Variants in THSD7B observed in about 807,000 individuals in gnomAD.
The protein encoded by THSD7B is thrombospondin type 1 domain containing 7B.
A neutral mutation model predicts 213.6 loss-of-function variants in THSD7B; 138 were observed. The ratio of observed to expected loss-of-function variants is 0.65; its 90% CI spans 0.56 to 0.74. THSD7B has a LOEUF of 0.74. THSD7B is among the 30% of genes least tolerant of loss of function. THSD7B has a pLI of 0.00. For synonymous variants in THSD7B, 742 were observed against 687.0 expected, an observed-to-expected ratio of 1.08 and a Z score of -1.25; for missense variants, 1,931 against 1,991.5, an observed-to-expected ratio of 0.97 and a Z score of 0.58.
intron 12 of THSD7B, among the ~76,000 whole-genome samples, chr2:137,316,993 A>G (rs775454388): frequency 6.6e-6 from 1 of 152,210 alleles, no homozygotes; most frequent in Non-Finnish European, 1.5e-5. Flanking sequence ...AAGTAAAACC[A>G]TAGGGGAAAA....
At position 137,656,951 on chromosome 2, in the gene THSD7B, G is replaced by C. The variant is rs776896571; in HGVS notation, c.4261G>C (p.Glu1421Gln). The stretch of plus-strand genomic sequence containing the variant: ...AGACAGCTGCCCCCAACAGGTTCTA[G>C]AAACACGCCCTTGTACAGGTACCAA... ...NQDSCPQQVL[E>Q]TRPCTGGKCY... is the part of the protein sequence containing the mutation. The change falls in exon 23 of 28, where the codon GAA becomes CAA. Residue 1421 changes from glutamate to glutamine, a missense_variant. By Grantham distance (29) the Glu-to-Gln change is conservative (BLOSUM62 2). Coordinates refer to ENST00000409968, the MANE Select transcript of THSD7B (RefSeq NM_001316349.2). 3.0e-5 allele frequency: 49 copies of C among 1,613,992 alleles called. No homozygotes were observed. Among genetic ancestry groups the C allele is most frequent in the Non-Finnish European group, 4.2e-5 (49 of 1,179,866 alleles).
intron 17 of THSD7B, among the ~76,000 whole-genome samples, chr2:137,574,172 G>A (rs979615848): frequency 3.2e-4 from 49 of 152,106 alleles, no homozygotes; most frequent in African/African-American, 7.7e-4. Context: ...AAACATTGCC[G>A]TCTTAAGGTA....
chr2:137,154,554 A>G (rs1679877249), intron 5 of THSD7B, among the ~76,000 whole-genome samples: 1 of 152,110 alleles, frequency 6.6e-6, no homozygotes, highest in African/African-American at 2.4e-5. Context: ...CTTTTTGAGG[A>G]GTTTAAATGA....
intron 4 of THSD7B, among the ~76,000 whole-genome samples, chr2:137,113,515 C>T (rs1688389950): frequency 6.6e-6 from 1 of 152,104 alleles, no homozygotes; most frequent in South Asian, 2.1e-4. Context: ...TGGCTCACCG[C>T]ACCCTCCGCC....
intron 12 of THSD7B, among the ~76,000 whole-genome samples, chr2:137,374,934 C>G (rs1240931425): frequency 6.6e-6 from 1 of 152,180 alleles, no homozygotes; most frequent in African/African-American, 2.4e-5. Context: ...TCTGACCAGC[C>G]ATGTTGCCTC....
intron 2 of THSD7B, among the ~76,000 whole-genome samples, chr2:136,967,687 A>T (rs1165204402): frequency 1.3e-5 from 2 of 152,230 alleles, no homozygotes; most frequent in African/African-American, 4.8e-5. Flanking sequence ...GTTTAGAAAT[A>T]CAATATTGCC....
intron 3 of THSD7B, among the ~76,000 whole-genome samples, chr2:137,078,736 G>A (rs1221613784): frequency 1.3e-5 from 2 of 151,812 alleles, no homozygotes; most frequent in Non-Finnish European, 2.9e-5. Context: ...ATGTGTTTAG[G>A]ACTATTAATT....
At chr2:137,255,032 A>C (rs1032049901) in intron 10 of THSD7B, among the ~76,000 whole-genome samples, 2 of 152,142 alleles carry the variant, frequency 1.3e-5, no homozygotes, top group African/African-American at 4.8e-5. Context: ...TAAACATGCA[A>C]TGTAACATTG....
chr2:137,111,833 G>C (rs187401081), intron 4 of THSD7B, among the ~76,000 whole-genome samples: 11 of 152,266 alleles, frequency 7.2e-5, no homozygotes, highest in African/African-American at 2.4e-4. Context: ...TCTACTTGAG[G>C]CATTTCCATA....
intron 2 of THSD7B, among the ~76,000 whole-genome samples, chr2:137,023,892 T>A (rs547154141): frequency 7.9e-5 from 12 of 151,858 alleles, no homozygotes; most frequent in Non-Finnish European, 1.5e-4. Context: ...ATTCGACAAA[T>A]GAACAAGACA....
intron 7 of THSD7B, among the ~76,000 whole-genome samples, chr2:137,182,124 C>A (rs16838331): frequency 0.18 from 27,014 of 151,974 alleles, 3,151 homozygotes; most frequent in South Asian, 0.41. Context: ...GGCGTCCCAG[C>A]AGGTATGAGA....
At chr2:137,007,624 C>T (rs1686142670) in intron 2 of THSD7B, among the ~76,000 whole-genome samples, 1 of 152,084 alleles carries the variant, frequency 6.6e-6, no homozygotes, top group Non-Finnish European at 1.5e-5. Context: ...TATACTTGGA[C>T]CATTGACTGT....
intron 3 of THSD7B, among the ~76,000 whole-genome samples, chr2:137,085,786 T>A (rs910371224): frequency 6.6e-6 from 1 of 152,038 alleles, no homozygotes; most frequent in Non-Finnish European, 1.5e-5. Context: ...GCATTGGGAT[T>A]GAGGAAAAAA....
intron 14 of THSD7B, among the ~76,000 whole-genome samples, chr2:137,443,577 C>A (rs1687464429): frequency 6.6e-6 from 1 of 151,986 alleles, no homozygotes; most frequent in Admixed American, 6.6e-5. Context: ...TCTTGTCAAT[C>A]CTTTACTAAA....
intron 4 of THSD7B, among the ~76,000 whole-genome samples, chr2:137,101,144 T>C (rs1454027037): frequency 1.3e-5 from 2 of 152,092 alleles, no homozygotes; most frequent in Non-Finnish European, 2.9e-5. Flanking sequence ...CTGAGGTGAT[T>C]CTCCCACCTC....
At chr2:137,110,635 T>G (rs948201272) in intron 4 of THSD7B, among the ~76,000 whole-genome samples, 1 of 152,218 alleles carries the variant, frequency 6.6e-6, no homozygotes, top group Non-Finnish European at 1.5e-5. Context: ...TTTTGGGGCC[T>G]TGAAAAGACA....
chr2:137,509,983 T>TC (rs1679926227), intron 15 of THSD7B, among the ~76,000 whole-genome samples: 1 of 152,184 alleles, frequency 6.6e-6, no homozygotes, highest in South Asian at 2.1e-4. Context: ...AACATTTTTT[T>TC]CTCCCTTTAT....
intron 2 of THSD7B, among the ~76,000 whole-genome samples, chr2:137,051,489 A>C (rs1687070841): frequency 6.6e-6 from 1 of 152,224 alleles, no homozygotes. Flanking sequence ...AAGTCACTAC[A>C]TTAACCTATT....
chr2:137,488,524 A>G (rs767836026), intron 15 of THSD7B, among the ~76,000 whole-genome samples: 1 of 152,208 alleles, frequency 6.6e-6, no homozygotes, highest in Non-Finnish European at 1.5e-5. Context: ...AATACAAAAT[A>G]TAGAATTATC....
Sources: gnomAD v4.1 joint callset for allele counts (sites outside exome capture counted in the v4.1 genomes callset) on GRCh38, gnomAD v4.1.1 for gene constraint, MANE v1.5 for transcripts, NCBI Gene and HGNC (gene_info 2026-07-23, HGNC 2026-07-21) for gene names.